MOB3C: variants seen among roughly 807,000 people sequenced by gnomAD.
MOB3C encodes MOB kinase activator 3C, also known as MOB1, Mps One Binder kinase activator-like 2C.
Under a neutral mutation model 19.8 loss-of-function variants are expected in MOB3C, and 17 were observed. The ratio of observed to expected loss-of-function variants is 0.86; its 90% confidence interval spans 0.59 to 1.29. MOB3C has a LOEUF of 1.29. Ranked by LOEUF, MOB3C falls within the 50% of genes most tolerant of loss-of-function variation. The pLI is 0.00. For missense variants in MOB3C, 291 were observed against 301.9 expected, an observed-to-expected ratio of 0.96 and a Z score of 0.27; for synonymous variants, 101 against 119.2, an observed-to-expected ratio of 0.85 and a Z score of 0.99.
At chr1:46,615,590 G>T (rs1405846602) in intron 1 of MOB3C, 3 of 153,040 alleles carry the variant, frequency 2.0e-5, no homozygotes, top group African/African-American at 7.2e-5. Context: ...TTGTACAGAT[G>T]GGGAAACTGA....
At chr1:46,613,631 T>C in intron 1 of MOB3C, 1 of 515,008 alleles carries the variant, frequency 1.9e-6, no homozygotes, top group South Asian at 2.8e-5. Flanking sequence ...GGGCCTGGGC[T>C]CTAAACAGGT....
chr1:46,609,674 G>A lies in MOB3C; in HGVS notation c.632C>T (p.Thr211Ile). 3 of 1,614,118 alleles carry A rather than the reference G, an allele frequency of 1.9e-6. No homozygotes were observed. The highest frequency in any genetic ancestry group is 1.7e-4 in the Middle Eastern group (1 of 6,060). Residue 211 changes from threonine to isoleucine, a missense_variant, in exon 4 of 4, where the codon ACA becomes ATA. Thr to Ile is a moderately conservative substitution (Grantham distance 89). Transcript: ENST00000319928. ...CTGGGCTCAGTGGCAGATCCGCTCT[G>A]TCATCTCCCTCTGTAGAGACACAAG... ...QRELEPLREM[T>I]ERICH
chr1:46,609,635 A>T lies in MOB3C; in HGVS notation c.*20T>A. ...TGTTCAGATCGTCCATCTGATGGCC[A>T]AAAAAGTCCAGACCTGGGCTCAGTG... On this transcript the variant is annotated 3_prime_UTR_variant, in exon 4 of 4. Coordinates refer to ENST00000319928, the MANE Select transcript of MOB3C (RefSeq NM_201403.3). 6.2e-7 allele frequency: 1 copy of T among 1,614,046 alleles called. No individual in the cohort carries two copies. The highest frequency in any genetic ancestry group is 8.5e-7 in the Non-Finnish European group (1 of 1,179,936).
Position 46,610,287 on chromosome 1 carries a change from C to G in MOB3C, c.419-83G>C, listed in dbSNP as rs183699869. 2.7e-5 allele frequency: 36 copies of G among 1,315,590 alleles called. No individual in the cohort carries two copies. The Admixed American group carries it at 4.6e-4, about 17-fold the overall frequency. The allele number at this position is 1,315,590 out of a possible 1,614,324, so 81.5% of individuals were successfully genotyped here. A position where few individuals can be genotyped will look rare whatever the true frequency, so the allele number is the denominator to read the frequency against. On this transcript the variant is annotated intron_variant, in intron 2 of 3. Transcript: ENST00000319928. The stretch of plus-strand genomic sequence containing the variant: ...ACTTTTCCCTCCCACACACAGGCAA[C>G]CAGGATGGCTTTTTCCCCAGCACAC...
chr1:46,612,741 C>T (rs931981699), intron 2 of MOB3C, among the ~76,000 whole-genome samples, 163 bp downstream of exon 2: 2 of 151,988 alleles, frequency 1.3e-5, no homozygotes, highest in African/African-American at 4.8e-5. Context: ...CTAGCAAATG[C>T]TTGACCTTGA....
rs150228237 is a variant in MOB3C at position 46,610,054 on chromosome 1, T to C, written c.569A>G (p.Tyr190Cys). ...CAGACTGAACTCGCGGATGAAGTAG[T>C]AGAAGTGCTTGTAGCAGGTGTTGAC... ...AHVNTCYKHF[Y>C]YFIREFSLVD... The change falls in exon 3 of 4, where the codon TAC becomes TGC. Residue 190 changes from tyrosine (Y) to cysteine (C), a missense_variant. Transcript: ENST00000319928. 6.2e-6 allele frequency: 10 copies of C among 1,614,222 alleles called. No individual in the cohort carries two copies. The East Asian group carries it at 8.9e-5, about 14-fold the overall frequency.
Position 46,609,571 on chromosome 1 carries a change from C to A in MOB3C, c.*84G>T. 3.2e-6 allele frequency: 5 copies of A among 1,547,764 alleles called. No homozygotes were observed. The highest frequency in any genetic ancestry group is 3.6e-6 in the Non-Finnish European group (4 of 1,121,400). On this transcript the variant is annotated 3_prime_UTR_variant, in exon 4 of 4. Transcript: ENST00000319928. ...GGAGTGATTCCAGTGCCTTCAGATT[C>A]CTTCAGGCTCCTGGGGGTCCCCTCT...
chr1:46,615,333 C>T (rs939431919), intron 1 of MOB3C: 33 of 459,610 alleles, frequency 7.2e-5, no homozygotes, highest in Non-Finnish European at 9.0e-5. Context: ...TTTCTTATCC[C>T]TCCACCTGCC....
Position 46,610,220 on chromosome 1 carries a change from G to C in MOB3C, c.419-16C>G. 1 of 1,612,798 alleles carries C rather than the reference G, an allele frequency of 6.2e-7. No homozygotes were observed. The highest frequency in any genetic ancestry group is 1.1e-5 in the South Asian group (1 of 91,028). ...AAGGGAACTCCTAGAGGGCAGGGGA[G>C]GGCAGAAGGGGATCAGTATCCTGGT... On this transcript the variant is annotated splice_polypyrimidine_tract_variant and intron_variant, in intron 2 of 3. Transcript: ENST00000319928.
Position 46,611,021 on chromosome 1 carries a change from T to G in MOB3C, c.419-817A>C, listed in dbSNP as rs889558710. ...ATGATCTTATCCTGACCTCCCTCTCTAGCCCCACCCCATGTCCCTCCTCTT... is the reference window on the plus strand; with the variant it reads ...ATGATCTTATCCTGACCTCCCTCTCGAGCCCCACCCCATGTCCCTCCTCTT... On this transcript the variant is annotated intron_variant, in intron 2 of 3. Coordinates refer to ENST00000319928, the MANE Select transcript of MOB3C (RefSeq NM_201403.3). The surrounding 1 kb of genome is among the most constrained non-coding windows in gnomAD (Gnocchi z 4.1). Among the ~76,000 whole-genome samples, 2 of 152,190 alleles carry G rather than the reference T, an allele frequency of 1.3e-5. No homozygotes were observed. The highest frequency in any genetic ancestry group is 4.1e-4 in the South Asian group (2 of 4,828).
At position 46,609,438 on chromosome 1, in the gene MOB3C, C is replaced by T. The variant is rs565598329; in HGVS notation, c.*217G>A. 1.6e-5 allele frequency: 10 copies of T among 632,546 alleles called. No individual in the cohort carries two copies. In the East Asian group the frequency reaches 2.5e-4, roughly 16 times the overall value. 39.2% of individuals were successfully genotyped at this position (632,546 alleles called of 1,614,324 possible). On this transcript the variant is annotated 3_prime_UTR_variant, in exon 4 of 4. Coordinates refer to ENST00000319928, the MANE Select transcript of MOB3C (RefSeq NM_201403.3). Reference sequence around the variant, plus strand: ...TCATGCCAGAGGTTTAACTCCACTTCCCTTCTGTTTGCCTGCCTAGATGCT... The same window carrying T: ...TCATGCCAGAGGTTTAACTCCACTTTCCTTCTGTTTGCCTGCCTAGATGCT...
rs1675395651 is a variant in MOB3C, at chr1:46,608,047, G to C, written c.*1608C>G. ...GCATGATATTGGATGCTTGGCTCAG[G>C]AAACAACCCCAGCCAACCCAAGGGG... On this transcript the variant is annotated 3_prime_UTR_variant, in exon 4 of 4. Coordinates refer to ENST00000319928, the MANE Select transcript of MOB3C (RefSeq NM_201403.3). This position sits in a 1 kb window ranked among gnomAD's most constrained non-coding sequence, Gnocchi z 4.5. 1 of 152,232 alleles carries C rather than the reference G, an allele frequency of 6.6e-6. No individual in the cohort carries two copies. The highest frequency in any genetic ancestry group is 1.5e-5 in the Non-Finnish European group (1 of 68,062). 9.4% of individuals were successfully genotyped at this position (152,232 alleles called of 1,614,324 possible).
chr1:46,609,783 G>T, intron 3 of MOB3C, 99 bp from the exon 4 acceptor site: 1 of 1,513,880 alleles, frequency 6.6e-7, no homozygotes, highest in Non-Finnish European at 9.0e-7. Flanking sequence ...GTCTGAGCCT[G>T]GCCTTCCCCC....
chr1:46,610,086 C>A lies in MOB3C; in HGVS notation c.537G>T (p.Glu179Asp). The A allele has an allele frequency of 6.2e-7, 1 of 1,614,208 alleles. No homozygotes were observed. Among genetic ancestry groups the A allele is most frequent in the Non-Finnish European group, 8.5e-7 (1 of 1,180,042 alleles). ...HFDSILSMGA[E>D]AHVNTCYKHF... The stretch of plus-strand genomic sequence containing the variant: ...GCTTGTAGCAGGTGTTGACGTGCGC[C>A]TCTGCCCCCATGCTGAGGATGCTAT... The change falls in exon 3 of 4, where the codon GAG (glutamate) becomes GAT (aspartate). Residue 179 changes from glutamate to aspartate, a missense_variant. Coordinates refer to ENST00000319928, the MANE Select transcript of MOB3C (RefSeq NM_201403.3).
Position 46,611,713 on chromosome 1 carries a change from A to T in MOB3C, c.418+1191T>A, listed in dbSNP as rs1004749542. On this transcript the variant is annotated intron_variant, in intron 2 of 3. Coordinates refer to ENST00000319928, the MANE Select transcript of MOB3C (RefSeq NM_201403.3). The surrounding 1 kb of genome is among the most constrained non-coding windows in gnomAD (Gnocchi z 4.1). Reference sequence around the variant, plus strand: ...GACTTGGGGTCCTGGGCTCCCACAGATCTGAGCCCCAGTTCGGAATTCCTC... The same window carrying T: ...GACTTGGGGTCCTGGGCTCCCACAGTTCTGAGCCCCAGTTCGGAATTCCTC... Among the ~76,000 whole-genome samples, 4 of 152,112 alleles carry T rather than the reference A, an allele frequency of 2.6e-5. No homozygotes were observed. Among genetic ancestry groups the T allele is most frequent in the African/African-American group, 9.7e-5 (4 of 41,400 alleles).
intron 2 of MOB3C, among the ~76,000 whole-genome samples, chr1:46,610,450 C>T (rs1292772741): frequency 6.6e-6 from 1 of 152,186 alleles, no homozygotes; most frequent in East Asian, 1.9e-4. Flanking sequence ...ATGGCATGAT[C>T]TCGGCTCACT....
intron 2 of MOB3C, among the ~76,000 whole-genome samples, chr1:46,612,658 GAA>G (rs112172528): frequency 1.0e-5 from 1 of 97,114 alleles, no homozygotes; most frequent in Non-Finnish European, 2.2e-5. Context: ...TCTCAGAAAA[GAA>G]AAAAAAAAAA....
rs1220267642 is a variant in MOB3C, at chr1:46,616,782, C to CTGT, written c.-125_-123dup. 6.6e-6 allele frequency: 1 copy of CTGT among 152,526 alleles called. No individual in the cohort carries two copies. The highest frequency in any genetic ancestry group is 1.5e-5 in the Non-Finnish European group (1 of 68,340). The allele number at this position is 152,526 out of a possible 1,614,324, so 9.4% of individuals were successfully genotyped here. ...CTTTCTCCTGCAGGTCCCGCAGTGC[C>CTGT]TGTTCTCTCTCCTGTCAGCCTGTCC... On this transcript the variant is annotated 5_prime_UTR_variant, in exon 1 of 4. Coordinates refer to ENST00000319928, the MANE Select transcript of MOB3C (RefSeq NM_201403.3).
chr1:46,616,494 A>T (rs1183063236), intron 1 of MOB3C: 1 of 135,178 alleles, frequency 7.4e-6, no homozygotes, highest in African/African-American at 2.8e-5. Flanking sequence ...ACGCCCCCCA[A>T]CCCCTCCCCT....
Sources: allele counts gnomAD v4.1 joint callset (sites outside exome capture counted in the v4.1 genomes callset), GRCh38; gene constraint gnomAD v4.1.1; non-coding constraint Gnocchi (gnomAD v3.1); transcripts MANE v1.5; gene names NCBI Gene and HGNC (gene_info 2026-07-23, HGNC 2026-07-21).